HIVEP1: variants seen among roughly 807,000 people sequenced by gnomAD.
The protein encoded by HIVEP1 is HIVEP zinc finger 1, also known as zinc finger protein 40.
HIVEP1 carries 36 observed loss-of-function variants against 180.0 expected under a neutral mutation model. The ratio of observed to expected loss-of-function variants is 0.20; its 90% CI spans 0.15 to 0.26. The LOEUF (loss-of-function observed/expected upper bound fraction) is 0.26, where lower values mean the gene tolerates loss of function less well. Ranked by LOEUF, HIVEP1 falls within the 10% of genes least tolerant of loss-of-function variation. HIVEP1 has a pLI of 1.00. For missense variants in HIVEP1, 3,143 were observed against 3,268.7 expected, an observed-to-expected ratio of 0.96 and a Z score of 0.94; for synonymous variants, 1,239 against 1,239.0, an observed-to-expected ratio of 1.00 and a Z score of 0.00.
the HIVEP1 span, among the ~76,000 whole-genome samples, chr6:12,182,729 C>G: frequency 1.3e-5 from 2 of 152,148 alleles, no homozygotes; most frequent in East Asian, 3.8e-4. Flanking sequence ...ATAGTGCGTG[C>G]CATGCCTGCA....
intron 2 of HIVEP1, among the ~76,000 whole-genome samples, chr6:12,073,014 T>C (rs1396083683): frequency 6.6e-6 from 1 of 152,240 alleles, no homozygotes; most frequent in Non-Finnish European, 1.5e-5. Context: ...TAATTTTTAA[T>C]CACATAGAGA....
chr6:12,089,056 G>A (rs1231940718), intron 2 of HIVEP1, 128 bp from the exon 3 acceptor site: 4 of 566,340 alleles, frequency 7.1e-6, no homozygotes, highest in Non-Finnish European at 9.6e-6. Context: ...ATACACATCT[G>A]TATCATAATT....
intron 2 of HIVEP1, among the ~76,000 whole-genome samples, chr6:12,040,430 A>C (rs1422284564): frequency 6.6e-6 from 1 of 152,224 alleles, no homozygotes; most frequent in African/African-American, 2.4e-5. Context: ...GTAGATTTAC[A>C]TATCTTTTTA....
Position 12,108,451 on chromosome 6 carries a change from C to T in HIVEP1, c.95-11439C>T, listed in dbSNP as rs184801433. On this transcript the variant is annotated intron_variant, in intron 3 of 8. Coordinates refer to ENST00000379388, the MANE Select transcript of HIVEP1 (RefSeq NM_002114.4). ...CCATGGAGCAGGGGGCGGCGCTCAT[C>T]GGGGAGGCTTGGGCTGCGCAGGAGC... is the stretch of plus-strand genomic sequence containing the variant. 3.6e-3 allele frequency among the ~76,000 whole-genome samples: 554 copies of T among 152,188 alleles called. 1 individual carries two copies. Among genetic ancestry groups the T allele is most frequent in the Admixed American group, 7.4e-3 (113 of 15,296 alleles).
At chr6:12,105,122 C>G (rs752569033) in intron 3 of HIVEP1, among the ~76,000 whole-genome samples, 3 of 152,244 alleles carry the variant, frequency 2.0e-5, no homozygotes, top group Non-Finnish European at 4.4e-5. Flanking sequence ...TCTAGGAGAA[C>G]TGACAATCTA....
At chr6:12,050,599 TAAA>T (rs77494343) in intron 2 of HIVEP1, among the ~76,000 whole-genome samples, 1 of 144,884 alleles carries the variant, frequency 6.9e-6, no homozygotes, top group Non-Finnish European at 1.5e-5. Context: ...AAAAAAAAAA[TAAA>T]AAAATTAAAC....
chr6:12,126,820 A>C, intron 4 of HIVEP1, among the ~76,000 whole-genome samples: 1 of 152,158 alleles, frequency 6.6e-6, no homozygotes, highest in East Asian at 1.9e-4. Flanking sequence ...TAACTGTTCA[A>C]ATTTTTTTTA....
At chr6:12,072,861 A>T (rs1467482970) in intron 2 of HIVEP1, among the ~76,000 whole-genome samples, 1 of 151,744 alleles carries the variant, frequency 6.6e-6, no homozygotes, top group East Asian at 1.9e-4. Context: ...TTCTTTACCC[A>T]TCTTTTTTCT....
chr6:12,039,626 C>T (rs779520823), intron 2 of HIVEP1, among the ~76,000 whole-genome samples: 15 of 152,216 alleles, frequency 9.9e-5, no homozygotes, highest in Middle Eastern at 3.4e-3. Flanking sequence ...AGAGGGAGGT[C>T]CTGGCAGAGG....
the HIVEP1 span, among the ~76,000 whole-genome samples, chr6:12,202,900 A>G: frequency 6.6e-5 from 10 of 152,170 alleles, no homozygotes; most frequent in African/African-American, 2.2e-4. Flanking sequence ...TTGTTTTTGA[A>G]AGTTAAGTCA....
Position 12,066,472 on chromosome 6 carries a change from A to C in HIVEP1, c.41-22712A>C, listed in dbSNP as rs139386954. ...TGGCAGCAGCTGATAAATGATCAGA[A>C]AGCTATTTTTGGTTTGACTAGTTCA... On this transcript the variant is annotated intron_variant, in intron 2 of 8. Transcript: ENST00000379388. Among the ~76,000 whole-genome samples the C allele has an allele frequency of 9.2e-3, 1,395 of 152,286 alleles. 17 individuals are homozygous for C. Among genetic ancestry groups the C allele is most frequent in the African/African-American group, 0.032 (1,323 of 41,562 alleles).
rs1770264443 is a variant in HIVEP1, at chr6:12,048,211, T to G, written c.40+32543T>G. ...CATTGGGCCCAGTGATAAGAGTAGGTGGGCCATGGTGAAGCGTAAGGCCTT... is the reference window on the plus strand; with the variant it reads ...CATTGGGCCCAGTGATAAGAGTAGGGGGGCCATGGTGAAGCGTAAGGCCTT... On this transcript the variant is annotated intron_variant, in intron 2 of 8. Transcript: ENST00000379388. Among the ~76,000 whole-genome samples the G allele has an allele frequency of 2.6e-5, 4 of 152,332 alleles. No homozygotes were observed. In the South Asian group the frequency reaches 6.2e-4, roughly 24 times the overall value.
the HIVEP1 span, among the ~76,000 whole-genome samples, chr6:12,207,292 A>G: frequency 1.3e-5 from 2 of 152,162 alleles, no homozygotes; most frequent in South Asian, 2.1e-4. Flanking sequence ...GGATTTAACC[A>G]TATTTAGCTA....
the HIVEP1 span, among the ~76,000 whole-genome samples, chr6:12,211,905 C>T: frequency 6.6e-6 from 1 of 152,082 alleles, no homozygotes; most frequent in African/African-American, 2.4e-5. Flanking sequence ...TATTTCTGTA[C>T]CCTAAAAAAA....
downstream of HIVEP1, among the ~76,000 whole-genome samples, chr6:12,167,640 C>CATGTTAT (rs1562023596): frequency 2.4e-4 from 23 of 95,734 alleles, no homozygotes; most frequent in Admixed American, 4.2e-4. Context: ...GTTATATATA[C>CATGTTAT]ATATACATAT....
chr6:12,070,667 A>G (rs1438110150), intron 2 of HIVEP1, among the ~76,000 whole-genome samples: 22 of 152,196 alleles, frequency 1.4e-4, no homozygotes. Flanking sequence ...TAGGATTCTC[A>G]TACTCTAAAA....
At chr6:12,165,451 G>T (rs1173165133), downstream of HIVEP1, among the ~76,000 whole-genome samples, 1 of 152,116 alleles carries the variant, frequency 6.6e-6, no homozygotes, top group Admixed American at 6.5e-5. Flanking sequence ...TAAACTCACA[G>T]AGCTCTGTCC....
chr6:12,091,767 A>C (rs1275964795), intron 3 of HIVEP1, among the ~76,000 whole-genome samples: 1 of 152,134 alleles, frequency 6.6e-6, no homozygotes, highest in Non-Finnish European at 1.5e-5. Flanking sequence ...GATAGAGATA[A>C]GGATGCAACA....
chr6:12,181,069 T>A, the HIVEP1 span, among the ~76,000 whole-genome samples: 149 of 152,100 alleles, frequency 9.8e-4, 1 homozygote, highest in East Asian at 0.023. Flanking sequence ...TTAAGCAAAA[T>A]TTTTTTTAGA....
Sources: allele counts gnomAD v4.1 joint callset (sites outside exome capture counted in the v4.1 genomes callset), GRCh38; gene constraint gnomAD v4.1.1; transcripts MANE v1.5; gene names NCBI Gene and HGNC (gene_info 2026-07-23, HGNC 2026-07-21).